C6orf132: variants seen among roughly 807,000 people sequenced by gnomAD.
The protein encoded by C6orf132 is uncharacterized protein C6orf132.
In C6orf132, 43 loss-of-function variants were observed where a neutral mutation model predicts 65.3. The observed-to-expected ratio is 0.66, with a 90% CI of 0.52 to 0.85. The LOEUF (loss-of-function observed/expected upper bound fraction) is 0.85. C6orf132 is among the 40% of genes least tolerant of loss of function. The pLI, the probability that C6orf132 is intolerant of heterozygous loss-of-function variation, is 0.00. For missense variants in C6orf132, 1,488 were observed against 1,548.8 expected (o/e 0.96, Z 0.66); for synonymous variants, 631 against 654.1 (o/e 0.96, Z 0.54).
At chr6:42,109,194 G>A (rs761657976) in intron 3 of C6orf132, among the ~76,000 whole-genome samples, 34 of 152,184 alleles carry the variant, frequency 2.2e-4, no homozygotes, top group Non-Finnish European at 4.4e-4. Context: ...GAGCACTTTA[G>A]GAGGCTGAGG....
At chr6:42,122,925 C>A (rs1279382623) in intron 2 of C6orf132, among the ~76,000 whole-genome samples, 1 of 152,192 alleles carries the variant, frequency 6.6e-6, no homozygotes, top group Non-Finnish European at 1.5e-5. Flanking sequence ...CCCTGGGGAC[C>A]TGTTGGGCCA....
At chr6:42,141,289 G>A (rs1214941448) in intron 1 of C6orf132, among the ~76,000 whole-genome samples, 9 of 152,166 alleles carry the variant, frequency 5.9e-5, no homozygotes, top group Non-Finnish European at 1.3e-4. Flanking sequence ...TGGCTATAAA[G>A]ATCAGTGAAG....
At position 42,109,987 on chromosome 6, in the gene C6orf132, C is replaced by T. The variant is rs973507761; in HGVS notation, c.328+229G>A. On this transcript the variant is annotated intron_variant, in intron 3 of 4. Transcript: ENST00000341865. ...CTGGCTTTGTCCCCTTGCCATCCTT[C>T]CCCCGCCAGAAAGGGGCCTTCACTG... 2.0e-5 allele frequency among the ~76,000 whole-genome samples: 3 copies of T among 152,322 alleles called. No individual in the cohort carries two copies. The East Asian group carries it at 5.8e-4, about 29-fold the overall frequency.
At chr6:42,126,551 A>G (rs1766768174) in intron 2 of C6orf132, 1 of 181,216 alleles carries the variant, frequency 5.5e-6, no homozygotes, top group African/African-American at 2.4e-5. Flanking sequence ...CCCAATATAG[A>G]GTATTTCAGG....
At position 42,106,760 on chromosome 6, in the gene C6orf132, A is replaced by T. The variant is rs1766416890; in HGVS notation, c.1152T>A (p.Asp384Glu). 1 of 1,532,992 alleles carries T rather than the reference A, an allele frequency of 6.5e-7. No individual in the cohort carries two copies. The highest frequency in any genetic ancestry group is 8.7e-7 in the Non-Finnish European group (1 of 1,146,300). The allele number at this position is 1,532,992 out of a possible 1,614,324, so 95.0% of individuals were successfully genotyped here. Residue 384 changes from aspartate to glutamate, a missense_variant, in exon 4 of 5, where the codon GAT becomes GAA. Transcript: ENST00000341865. ...PRLGQSQSQA[D>E]ERAGTPPPAP... ...CTGGAGGCGGAGTCCCAGCTCGTTCATCTGCTTGGGACTGGGACTGGCCAA... is the reference window on the plus strand; with the variant it reads ...CTGGAGGCGGAGTCCCAGCTCGTTCTTCTGCTTGGGACTGGGACTGGCCAA...
chr6:42,104,386 G>GAA lies in C6orf132; in HGVS notation c.3449+76_3449+77insTT. The GAA allele has an allele frequency of 8.2e-7, 1 of 1,226,240 alleles. No homozygotes were observed. Among genetic ancestry groups the GAA allele is most frequent in the Non-Finnish European group, 1.0e-6 (1 of 984,762 alleles). The allele number at this position is 1,226,240 out of a possible 1,614,324, so 76.0% of individuals were successfully genotyped here. On this transcript the variant is annotated intron_variant, in intron 4 of 4. Coordinates refer to ENST00000341865, the MANE Select transcript of C6orf132 (RefSeq NM_001164446.3). The surrounding 1 kb of genome is among the most constrained non-coding windows in gnomAD (Gnocchi z 4.1). ...GAAAACCAAATGTTTTCTCTTGACG[G>GAA]ATGGCCGGGACTCCTTGGCCCTCGC...
intron 2 of C6orf132, among the ~76,000 whole-genome samples, chr6:42,113,778 T>C (rs1445466804): frequency 6.6e-6 from 1 of 151,006 alleles, no homozygotes; most frequent in East Asian, 1.9e-4. Flanking sequence ...ATCATGCCAC[T>C]GCACTCCAGC....
chr6:42,131,995 G>C (rs1442761103), intron 1 of C6orf132, among the ~76,000 whole-genome samples: 1 of 152,078 alleles, frequency 6.6e-6, no homozygotes, highest in East Asian at 1.9e-4. Flanking sequence ...GCAGAGGTGG[G>C]GTGATGCGCT....
At position 42,126,640 on chromosome 6, in the gene C6orf132, G is replaced by T. The variant is rs148127352; in HGVS notation, c.252+2032C>A. On this transcript the variant is annotated intron_variant, in intron 2 of 4. Coordinates refer to ENST00000341865, the MANE Select transcript of C6orf132 (RefSeq NM_001164446.3). ...GTGGATCACCTGAGGTCAGGAGTTC[G>T]AGACCAGCCTGGCCAAAATGGTGAA... 1,714 of 222,524 alleles carry T rather than the reference G, an allele frequency of 7.7e-3. 34 individuals are homozygous for T. Among genetic ancestry groups the T allele is most frequent in the African/African-American group, 0.036 (1,542 of 43,094 alleles). The allele number at this position is 222,524 out of a possible 1,614,324, so 13.8% of individuals were successfully genotyped here. A position where few individuals can be genotyped will look rare whatever the true frequency, so the allele number is the denominator to read the frequency against.
Position 42,101,260 on chromosome 6 carries a change from AC to A in C6orf132, c.*2500del, listed in dbSNP as rs1425209027. On this transcript the variant is annotated 3_prime_UTR_variant, in exon 5 of 5. Transcript: ENST00000341865. ...GACGCTTTGCCTAAATCAGTATGTC[AC>A]CACCACAAGAGGCCTTCCCTGACTA... is the stretch of plus-strand genomic sequence containing the variant. 1 of 152,118 alleles carries A rather than the reference AC, an allele frequency of 6.6e-6. No individual in the cohort carries two copies. The highest frequency in any genetic ancestry group is 1.5e-5 in the Non-Finnish European group (1 of 68,022). The allele number at this position is 152,118 out of a possible 1,614,324, so 9.4% of individuals were successfully genotyped here.
chr6:42,122,878 G>A (rs1766708530), intron 2 of C6orf132, among the ~76,000 whole-genome samples: 1 of 152,174 alleles, frequency 6.6e-6, no homozygotes, highest in East Asian at 1.9e-4. Flanking sequence ...GACTCAGAGG[G>A]TGGGGTGACC....
intron 2 of C6orf132, among the ~76,000 whole-genome samples, chr6:42,128,108 A>G: frequency 6.7e-6 from 1 of 148,224 alleles, no homozygotes; most frequent in Admixed American, 6.7e-5. Context: ...TTTTATATTT[A>G]GTAGAGACAG....
At chr6:42,107,755 G>A (rs1766437047) in intron 3 of C6orf132, among the ~76,000 whole-genome samples, 172 bp from the exon 4 acceptor site, 2 of 152,136 alleles carry the variant, frequency 1.3e-5, no homozygotes, top group Non-Finnish European at 2.9e-5. Context: ...GAGCTGTCCT[G>A]GGGGTGTCCC....
At chr6:42,131,600 C>T (rs1486953302) in intron 1 of C6orf132, among the ~76,000 whole-genome samples, 2 of 152,184 alleles carry the variant, frequency 1.3e-5, no homozygotes, top group Non-Finnish European at 2.9e-5. Context: ...AGGCTCGGCT[C>T]GGCTCTGGCC....
chr6:42,138,854 C>CAT (rs1554183408), intron 1 of C6orf132, among the ~76,000 whole-genome samples: 1 of 149,702 alleles, frequency 6.7e-6, no homozygotes, highest in East Asian at 1.9e-4. Flanking sequence ...CATTTAAACA[C>CAT]ACACACACAC....
rs1562033699 is a variant in C6orf132 at position 42,106,923 on chromosome 6, G to GC, written c.988dup (p.Ala330GlyfsTer56). On this transcript the variant is annotated frameshift_variant, in exon 4 of 5. Transcript: ENST00000341865. LOFTEE classifies it high-confidence loss of function. ...GAGTCGGCTGGGAGCCTTCTTGGTG[G>GC]CCCCCTCTTCCTTTCGGGGAGCCTC... 3 of 1,536,174 alleles carry GC rather than the reference G, an allele frequency of 2.0e-6. No individual in the cohort carries two copies. The East Asian group carries it at 7.4e-5, about 38-fold the overall frequency.
intron 1 of C6orf132, among the ~76,000 whole-genome samples, chr6:42,138,007 C>T (rs942596959): frequency 2.6e-5 from 4 of 152,256 alleles, no homozygotes; most frequent in Non-Finnish European, 2.9e-5. Context: ...TGCAGTGAGC[C>T]GAGATCGTGC....
chr6:42,119,827 T>G (rs9471772), intron 2 of C6orf132, among the ~76,000 whole-genome samples: 151,888 of 151,890 alleles, frequency 1, 75,943 homozygotes, highest in Non-Finnish European at 1. Context: ...CAGGGGCGGG[T>G]GCTCATGCCT....
chr6:42,139,679 T>C (rs1289000621), intron 1 of C6orf132, among the ~76,000 whole-genome samples: 1 of 150,706 alleles, frequency 6.6e-6, no homozygotes, highest in Non-Finnish European at 1.5e-5. Flanking sequence ...TTATGAGGGG[T>C]TTTTTTTTGC....
Sources: gnomAD v4.1 joint callset for allele counts (sites outside exome capture counted in the v4.1 genomes callset) on GRCh38, gnomAD v4.1.1 for gene constraint, Gnocchi (gnomAD v3.1) non-coding constraint, MANE v1.5 for transcripts, NCBI Gene and HGNC (gene_info 2026-07-23, HGNC 2026-07-21) for gene names.